Variants in ATRNL1 observed in about 807,000 individuals in gnomAD.
The protein encoded by ATRNL1 is attractin like 1.
ATRNL1 carries 95 observed loss-of-function variants against 182.7 expected under a neutral mutation model. That is an observed-to-expected ratio of 0.52 (90% CI 0.44 to 0.62). The LOEUF is 0.62. Among genes scored for constraint, ATRNL1 ranks in the 20% least tolerant of loss-of-function variants. ATRNL1 has a pLI of 0.00. For synonymous variants in ATRNL1, 576 were observed against 568.3 expected (o/e 1.01, Z -0.19); for missense variants, 1,471 against 1,679.5 (o/e 0.88, Z 2.17).
rs1264178719 is a variant in ATRNL1 at position 115,666,031 on chromosome 10, G to T, written c.3796-61217G>T. Among the ~76,000 whole-genome samples the T allele has an allele frequency of 3.7e-4, 57 of 152,064 alleles. 2 individuals are homozygous for T. ...GAAAATAACATTGGTATGGTAATTT[G>T]ATTATGATAAATATAAATAAAGGTT... On this transcript the variant is annotated intron_variant, in intron 26 of 28. Coordinates refer to ENST00000355044, the MANE Select transcript of ATRNL1 (RefSeq NM_207303.4).
chr10:115,304,547 G>A (rs546307286), intron 17 of ATRNL1, among the ~76,000 whole-genome samples: 211 of 152,288 alleles, frequency 1.4e-3, no homozygotes, highest in Non-Finnish European at 2.6e-3. Context: ...CAGAGGGATG[G>A]GGGCTCCACA....
intron 5 of ATRNL1, among the ~76,000 whole-genome samples, chr10:115,138,058 G>A (rs1845595823): frequency 6.6e-6 from 1 of 152,234 alleles, no homozygotes; most frequent in Non-Finnish European, 1.5e-5. Flanking sequence ...AAATCCAGCA[G>A]TGCAGTCAAA....
At chr10:115,245,490 A>G (rs1478000262) in intron 10 of ATRNL1, among the ~76,000 whole-genome samples, 2 of 94,768 alleles carry the variant, frequency 2.1e-5, no homozygotes, top group Non-Finnish European at 4.0e-5. Context: ...CAAGACCGAC[A>G]CTCCGTCTCA....
At chr10:115,614,705 C>A (rs74161604) in intron 26 of ATRNL1, among the ~76,000 whole-genome samples, 3,055 of 151,154 alleles carry the variant, frequency 0.02, 98 homozygotes, top group African/African-American at 0.07. Flanking sequence ...TGCTCCAGTG[C>A]GTGTGTGTGT....
chr10:115,782,682 T>C (rs535081391), intron 27 of ATRNL1, among the ~76,000 whole-genome samples: 1 of 152,324 alleles, frequency 6.6e-6, no homozygotes, highest in Admixed American at 6.5e-5. Context: ...TGTTGGATCT[T>C]TTAGAAAATC....
intron 8 of ATRNL1, 185 bp downstream of exon 8, chr10:115,171,477 A>AT (rs1453994459): frequency 4.1e-5 from 19 of 462,154 alleles, no homozygotes; most frequent in Non-Finnish European, 6.4e-5. Context: ...ATTTAAGCTT[A>AT]CCTTTTTAAC....
At chr10:115,389,546 A>ATATATATATATATG (rs1843878705) in intron 19 of ATRNL1, among the ~76,000 whole-genome samples, 13 of 16,392 alleles carry the variant, frequency 7.9e-4, no homozygotes, top group Non-Finnish European at 1.5e-3. Flanking sequence ...ATGTGTATAT[A>ATATATATATATATG]TATATATATA....
In ATRNL1 at chr10:115,236,360, A is replaced by G. The variant is rs538518700; in HGVS notation, c.1533-5211A>G. ...TCTGTCTAAATTGCATAATGATGCCATACAGCATTACAGGGATCATTTTTG... is the reference window on the plus strand; with the variant it reads ...TCTGTCTAAATTGCATAATGATGCCGTACAGCATTACAGGGATCATTTTTG... On this transcript the variant is annotated intron_variant, in intron 9 of 28. Transcript: ENST00000355044. Among the ~76,000 whole-genome samples the G allele has an allele frequency of 3.9e-5, 6 of 152,318 alleles. No individual in the cohort carries two copies. In the South Asian group the frequency reaches 1.2e-3, roughly 32 times the overall value.
intron 25 of ATRNL1, among the ~76,000 whole-genome samples, chr10:115,520,514 TA>T (rs1554984930): frequency 6.6e-6 from 1 of 152,186 alleles, no homozygotes; most frequent in Non-Finnish European, 1.5e-5. Flanking sequence ...AACTTTATTA[TA>T]AAAACAGCTG....
At chr10:115,326,043 G>T (rs1176568575) in intron 18 of ATRNL1, among the ~76,000 whole-genome samples, 2 of 152,058 alleles carry the variant, frequency 1.3e-5, no homozygotes, top group South Asian at 2.1e-4. Flanking sequence ...TTAATTAGTG[G>T]TGTCACAGAG....
At chr10:115,294,275 C>T (rs973627680) in intron 15 of ATRNL1, among the ~76,000 whole-genome samples, 1 of 152,088 alleles carries the variant, frequency 6.6e-6, no homozygotes, top group African/African-American at 2.4e-5. Flanking sequence ...CTTGTAAGCC[C>T]AGGAGATCGA....
chr10:115,926,437 CA>C (rs1184379828), intron 28 of ATRNL1, among the ~76,000 whole-genome samples: 5 of 150,380 alleles, frequency 3.3e-5, no homozygotes, highest in African/African-American at 4.9e-5. Context: ...GATAGAGACA[CA>C]AAAAAAACCC....
intron 26 of ATRNL1, among the ~76,000 whole-genome samples, chr10:115,611,144 G>A: frequency 6.6e-6 from 1 of 151,394 alleles, no homozygotes; most frequent in Non-Finnish European, 1.5e-5. Flanking sequence ...ATACCTCTGT[G>A]GGTATTGTTT....
intron 26 of ATRNL1, among the ~76,000 whole-genome samples, chr10:115,720,277 G>A (rs750036546): frequency 6.6e-5 from 10 of 152,112 alleles, no homozygotes; most frequent in Admixed American, 1.3e-4. Context: ...GCCCCTGTAA[G>A]AAGTACTGTT....
intron 20 of ATRNL1, among the ~76,000 whole-genome samples, chr10:115,405,308 T>C (rs1844764839): frequency 6.6e-6 from 1 of 152,214 alleles, no homozygotes; most frequent in Admixed American, 6.5e-5. Flanking sequence ...AAATATGGAC[T>C]CTCATGTCAA....
At chr10:115,257,949 G>T (rs1851227241) in intron 10 of ATRNL1, among the ~76,000 whole-genome samples, 1 of 152,172 alleles carries the variant, frequency 6.6e-6, no homozygotes, top group South Asian at 2.1e-4. Context: ...AGTCTCTTCT[G>T]GCTTGTAGGG....
chr10:115,166,070 C>T (rs540437423), intron 7 of ATRNL1, among the ~76,000 whole-genome samples: 83 of 152,174 alleles, frequency 5.5e-4, no homozygotes, highest in African/African-American at 1.9e-3. Context: ...CCCCTCTTCC[C>T]TTATCCTCTT....
intron 13 of ATRNL1, among the ~76,000 whole-genome samples, chr10:115,276,243 G>C (rs563688135): frequency 1.3e-5 from 2 of 152,028 alleles, no homozygotes; most frequent in South Asian, 2.1e-4. Context: ...ATTAAATTAC[G>C]TCCCAAAAGT....
chr10:115,180,599 A>G (rs1170896941), intron 8 of ATRNL1, among the ~76,000 whole-genome samples: 2 of 151,982 alleles, frequency 1.3e-5, no homozygotes, highest in Admixed American at 1.3e-4. Context: ...ATTTTCCAGC[A>G]GAAAGATGAA....
Sources: allele counts gnomAD v4.1 joint callset (sites outside exome capture counted in the v4.1 genomes callset), GRCh38; gene constraint gnomAD v4.1.1; transcripts MANE v1.5; gene names NCBI Gene and HGNC (gene_info 2026-07-23, HGNC 2026-07-21).